ZNF385D: variants seen among roughly 807,000 people sequenced by gnomAD.
The protein encoded by ZNF385D is zinc finger protein 385D, also known as zinc finger protein 659.
Under a neutral mutation model 35.8 loss-of-function variants are expected in ZNF385D, and 15 were observed. The observed-to-expected ratio is 0.42, with a 90% CI of 0.28 to 0.64. The LOEUF (loss-of-function observed/expected upper bound fraction) is 0.64, where lower values mean the gene tolerates loss of function less well. ZNF385D is among the 30% of genes least tolerant of loss of function. The probability of loss-of-function intolerance (pLI) is 0.23; values close to 1 mark genes in which losing one functional copy is unlikely to be tolerated. For missense variants in ZNF385D, 474 were observed against 494.6 expected (o/e 0.96, Z 0.39); for synonymous variants, 212 against 186.8 (o/e 1.13, Z -1.10).
intron 2 of ZNF385D, among the ~76,000 whole-genome samples, chr3:21,645,147 A>G (rs773732186): frequency 6.6e-6 from 1 of 152,212 alleles, no homozygotes; most frequent in Non-Finnish European, 1.5e-5. Flanking sequence ...TTTCAAAATC[A>G]TATACTATAT....
intron 2 of ZNF385D, among the ~76,000 whole-genome samples, chr3:21,637,636 G>T (rs1047257777): frequency 6.6e-6 from 1 of 151,956 alleles, no homozygotes; most frequent in Non-Finnish European, 1.5e-5. Flanking sequence ...GAACTTCTTC[G>T]GCAACTGATC....
intron 2 of ZNF385D, among the ~76,000 whole-genome samples, chr3:22,249,540 A>T (rs575313324): frequency 6.6e-6 from 1 of 152,214 alleles, no homozygotes; most frequent in African/African-American, 2.4e-5. Context: ...TTATGTAAAC[A>T]GAACAGTGCA....
chr3:21,567,913 C>T (rs889519995), intron 2 of ZNF385D, among the ~76,000 whole-genome samples: 2 of 152,014 alleles, frequency 1.3e-5, no homozygotes, highest in Admixed American at 6.6e-5. Flanking sequence ...TGGGACTAGT[C>T]ACTTCGTGCA....
chr3:22,204,390 T>C (rs925387923), intron 2 of ZNF385D, among the ~76,000 whole-genome samples: 1 of 151,956 alleles, frequency 6.6e-6, no homozygotes, highest in Admixed American at 6.6e-5. Context: ...CCCAGAAGAA[T>C]GGAAACAAAC....
intron 3 of ZNF385D, among the ~76,000 whole-genome samples, chr3:22,092,531 A>C (rs558787036): frequency 6.6e-6 from 1 of 152,270 alleles, no homozygotes; most frequent in African/African-American, 2.4e-5. Context: ...AAACCCTGCC[A>C]TGCAGATGTT....
At chr3:21,529,754 C>T (rs945399453) in intron 3 of ZNF385D, among the ~76,000 whole-genome samples, 5 of 152,154 alleles carry the variant, frequency 3.3e-5, no homozygotes, top group African/African-American at 7.2e-5. Flanking sequence ...CTAGGTAAAA[C>T]GGAATGAAAC....
At chr3:21,612,845 C>A (rs185614739) in intron 2 of ZNF385D, among the ~76,000 whole-genome samples, 2 of 152,156 alleles carry the variant, frequency 1.3e-5, no homozygotes, top group African/African-American at 4.8e-5. Flanking sequence ...TTGCTGAGAT[C>A]AAATTAATTC....
chr3:21,829,844 G>A (rs1310649926), intron 3 of ZNF385D, among the ~76,000 whole-genome samples: 2 of 151,934 alleles, frequency 1.3e-5, no homozygotes, highest in Non-Finnish European at 2.9e-5. Flanking sequence ...TTAGAGTTTG[G>A]CCTGACATGG....
At chr3:21,624,507 G>T (rs2065084572) in intron 2 of ZNF385D, among the ~76,000 whole-genome samples, 1 of 152,160 alleles carries the variant, frequency 6.6e-6, no homozygotes, top group Non-Finnish European at 1.5e-5. Context: ...CTTTTAAAAT[G>T]ACAGAAATCT....
At chr3:22,091,424 C>T (rs371823719) in intron 3 of ZNF385D, among the ~76,000 whole-genome samples, 7 of 152,094 alleles carry the variant, frequency 4.6e-5, no homozygotes, top group African/African-American at 1.7e-4. Flanking sequence ...CAAAAGATAG[C>T]ACATAATCAT....
rs1171129988 is a variant in ZNF385D, at chr3:22,315,803, A to G, written c.106+56647T>C. ...ATAGTTTAACTTTAAAGCAAGGATG[A>G]TAATAGCCCCTCCCTAAAACTGATC... On this transcript the variant is annotated intron_variant, in intron 2 of 5. Transcript: ENST00000494108. Among the ~76,000 whole-genome samples, 6 of 152,144 alleles carry G rather than the reference A, an allele frequency of 3.9e-5. No individual in the cohort carries two copies. In the East Asian group the frequency reaches 1.2e-3, roughly 29 times the overall value.
intron 3 of ZNF385D, among the ~76,000 whole-genome samples, chr3:21,516,038 TCCTGTGGTCCC>T (rs1285076010): frequency 6.6e-6 from 1 of 152,152 alleles, no homozygotes; most frequent in Admixed American, 6.5e-5. Context: ...ATTCCACAGG[TCCTGTGGTCCC>T]CCACCCAGAG....
chr3:21,593,107 A>G (rs1455052593), intron 2 of ZNF385D, among the ~76,000 whole-genome samples: 1 of 152,106 alleles, frequency 6.6e-6, no homozygotes, highest in Non-Finnish European at 1.5e-5. Context: ...CGGCTGCTGT[A>G]TGTCATGCTT....
chr3:22,007,427 T>G (rs2125428058), intron 3 of ZNF385D, among the ~76,000 whole-genome samples: 1 of 152,346 alleles, frequency 6.6e-6, no homozygotes, highest in Non-Finnish European at 1.5e-5. Context: ...AATTTGCAAT[T>G]TCTAATAACT....
chr3:22,038,130 G>C (rs76665208), intron 3 of ZNF385D, among the ~76,000 whole-genome samples: 3,549 of 152,222 alleles, frequency 0.023, 142 homozygotes, highest in African/African-American at 0.079. Context: ...ACTCCATCTG[G>C]GTTTATTTGG....
chr3:22,209,254 T>A (rs61477162), intron 2 of ZNF385D, among the ~76,000 whole-genome samples: 2 of 151,872 alleles, frequency 1.3e-5, no homozygotes, highest in African/African-American at 4.8e-5. Flanking sequence ...AAGCTTGTTA[T>A]AGACATGTCA....
At chr3:22,338,216 A>C (rs1695258145) in intron 2 of ZNF385D, among the ~76,000 whole-genome samples, 1 of 152,212 alleles carries the variant, frequency 6.6e-6, no homozygotes, top group Non-Finnish European at 1.5e-5. Flanking sequence ...TTTTCCTTAT[A>C]CTTCGGTGCA....
intron 3 of ZNF385D, among the ~76,000 whole-genome samples, chr3:21,853,536 T>TCA (rs1396670034): frequency 6.7e-6 from 1 of 150,076 alleles, no homozygotes; most frequent in African/African-American, 2.4e-5. Context: ...TTCAAGAATG[T>TCA]CACTTTATCA....
At chr3:21,967,904 A>G (rs542985401) in intron 3 of ZNF385D, among the ~76,000 whole-genome samples, 1 of 152,232 alleles carries the variant, frequency 6.6e-6, no homozygotes, top group Non-Finnish European at 1.5e-5. Context: ...CATAAGAACT[A>G]AAAATCAGGT....
Sources: allele counts gnomAD v4.1 joint callset (sites outside exome capture counted in the v4.1 genomes callset), GRCh38; gene constraint gnomAD v4.1.1; transcripts MANE v1.5; gene names NCBI Gene and HGNC (gene_info 2026-07-23, HGNC 2026-07-21).